VWC2L: variants seen among roughly 807,000 people sequenced by gnomAD.
VWC2L encodes von Willebrand factor C domain-containing protein 2-like.
In VWC2L, 10 loss-of-function variants were observed where a neutral mutation model predicts 21.6. The observed-to-expected ratio is 0.46, with a 90% CI of 0.29 to 0.78. The LOEUF (loss-of-function observed/expected upper bound fraction) is 0.78. Ranked by LOEUF, VWC2L falls within the 30% of genes least tolerant of loss-of-function variation. VWC2L has a pLI of 0.10. For missense variants in VWC2L, 209 were observed against 277.1 expected (o/e 0.75, Z 1.74); for synonymous variants, 96 against 94.3 (o/e 1.02, Z -0.10).
chr2:214,514,290 G>C (rs1377793390), intron 3 of VWC2L, among the ~76,000 whole-genome samples: 1 of 151,996 alleles, frequency 6.6e-6, no homozygotes, highest in East Asian at 1.9e-4. Flanking sequence ...TATGTCAAGT[G>C]TAAAAGAAAC....
At chr2:214,511,648 A>T (rs1689054817) in intron 3 of VWC2L, among the ~76,000 whole-genome samples, 1 of 152,088 alleles carries the variant, frequency 6.6e-6, no homozygotes, top group Admixed American at 6.6e-5. Flanking sequence ...AGAGAAATAA[A>T]TGTCTGTCGT....
At chr2:214,473,378 C>T (rs546565732) in intron 3 of VWC2L, among the ~76,000 whole-genome samples, 14 of 152,192 alleles carry the variant, frequency 9.2e-5, no homozygotes, top group Middle Eastern at 3.4e-3. Flanking sequence ...CATATAAAGG[C>T]CTAAATAGGT....
intron 3 of VWC2L, among the ~76,000 whole-genome samples, chr2:214,500,484 T>G (rs1419989818): frequency 2.6e-5 from 4 of 152,202 alleles, no homozygotes; most frequent in Admixed American, 2.6e-4. Flanking sequence ...CTACTGCAAC[T>G]CTAACCATTT....
chr2:214,517,170 G>A (rs1033220425), intron 3 of VWC2L, among the ~76,000 whole-genome samples: 2 of 152,232 alleles, frequency 1.3e-5, no homozygotes, highest in African/African-American at 4.8e-5. Flanking sequence ...GTCTTAGCAT[G>A]TAACACAGTT....
chr2:214,554,268 C>G (rs1001460534), intron 3 of VWC2L, among the ~76,000 whole-genome samples: 1 of 152,054 alleles, frequency 6.6e-6, no homozygotes, highest in Non-Finnish European at 1.5e-5. Flanking sequence ...CGGTGTCAAC[C>G]AAAAATAAAA....
intron 3 of VWC2L, among the ~76,000 whole-genome samples, chr2:214,502,165 G>A (rs1222927017): frequency 6.6e-6 from 1 of 152,026 alleles, no homozygotes; most frequent in African/African-American, 2.4e-5. Flanking sequence ...TCTAGTCTCA[G>A]CTTCAATGAG....
At chr2:214,523,745 A>G (rs1474282692) in intron 3 of VWC2L, among the ~76,000 whole-genome samples, 1 of 152,142 alleles carries the variant, frequency 6.6e-6, no homozygotes, top group Non-Finnish European at 1.5e-5. Flanking sequence ...AGGCAGGAGC[A>G]TCCCTTGAAC....
At chr2:214,517,633 T>C (rs1337715859) in intron 3 of VWC2L, among the ~76,000 whole-genome samples, 1 of 152,146 alleles carries the variant, frequency 6.6e-6, no homozygotes, top group East Asian at 1.9e-4. Flanking sequence ...TATAGAAAGA[T>C]TCCATGGGGT....
chr2:214,508,119 A>AG (rs1688993737), intron 3 of VWC2L, among the ~76,000 whole-genome samples: 1 of 151,850 alleles, frequency 6.6e-6, no homozygotes, highest in Non-Finnish European at 1.5e-5. Context: ...TGGGACTATA[A>AG]GCGCCCACCA....
intron 3 of VWC2L, among the ~76,000 whole-genome samples, chr2:214,476,403 AGTAATTGC>A (rs1688525254): frequency 6.6e-6 from 1 of 152,218 alleles, no homozygotes; most frequent in African/African-American, 2.4e-5. Context: ...GTAATAGTAT[AGTAATTGC>A]AGAAATATTC....
intron 3 of VWC2L, among the ~76,000 whole-genome samples, chr2:214,532,427 C>T (rs932072853): frequency 6.6e-6 from 1 of 152,104 alleles, no homozygotes; most frequent in Admixed American, 6.5e-5. Context: ...AAGAAACAGA[C>T]ACCCCAAGCA....
chr2:214,492,773 T>C (rs968576903), intron 3 of VWC2L, among the ~76,000 whole-genome samples: 8 of 152,224 alleles, frequency 5.3e-5, no homozygotes, highest in Non-Finnish European at 1.2e-4. Flanking sequence ...AGTCAGTGTT[T>C]ATTAGGTTTT....
At chr2:214,479,201 T>C (rs914876568) in intron 3 of VWC2L, among the ~76,000 whole-genome samples, 2 of 152,234 alleles carry the variant, frequency 1.3e-5, no homozygotes, top group Non-Finnish European at 2.9e-5. Context: ...CATGATATCA[T>C]GTCATTTATA....
At position 214,578,069 on chromosome 2, in the gene VWC2L, T is replaced by C. The variant is rs1690260698; in HGVS notation, c.*2249T>C. ...CTTATGTCTAGACAGAGATGTATTA[T>C]AGAGCTTTCTTTGCCCCGAGGTTGC... On this transcript the variant is annotated 3_prime_UTR_variant, in exon 4 of 4. Transcript: ENST00000312504. 1 of 152,192 alleles carries C rather than the reference T, an allele frequency of 6.6e-6. No individual in the cohort carries two copies. Among genetic ancestry groups the C allele is most frequent in the Non-Finnish European group, 1.5e-5 (1 of 68,028 alleles). 9.4% of individuals were successfully genotyped at this position (152,192 alleles called of 1,614,324 possible).
intron 3 of VWC2L, among the ~76,000 whole-genome samples, chr2:214,454,084 A>G (rs1253723708): frequency 6.6e-6 from 1 of 152,144 alleles, no homozygotes; most frequent in East Asian, 1.9e-4. Flanking sequence ...ATACTAGTAT[A>G]TAGAAATAGA....
chr2:214,433,071 T>G (rs931415561), intron 2 of VWC2L, among the ~76,000 whole-genome samples: 1 of 149,826 alleles, frequency 6.7e-6, no homozygotes, highest in Admixed American at 6.7e-5. Flanking sequence ...AGAAATTGCT[T>G]AAATGGAGTT....
At chr2:214,494,035 T>C (rs35383905) in intron 3 of VWC2L, among the ~76,000 whole-genome samples, 9,967 of 152,242 alleles carry the variant, frequency 0.065, 446 homozygotes, top group Admixed American at 0.15. Flanking sequence ...AATTCTGTAA[T>C]ACTATTCCTA....
chr2:214,439,827 CAAAG>C (rs1702737942), intron 3 of VWC2L, among the ~76,000 whole-genome samples: 1 of 151,514 alleles, frequency 6.6e-6, no homozygotes, highest in African/African-American at 2.4e-5. Flanking sequence ...GCAAACAAAA[CAAAG>C]AAAGATAACA....
chr2:214,515,091 G>C (rs1466044194), intron 3 of VWC2L, among the ~76,000 whole-genome samples: 1 of 152,122 alleles, frequency 6.6e-6, no homozygotes, highest in Non-Finnish European at 1.5e-5. Context: ...TAATGTTAAA[G>C]GGTTAGCAAA....
Sources: allele counts gnomAD v4.1 joint callset (sites outside exome capture counted in the v4.1 genomes callset), GRCh38; gene constraint gnomAD v4.1.1; transcripts MANE v1.5; gene names NCBI Gene and HGNC (gene_info 2026-07-23, HGNC 2026-07-21).